PDZRN3: variants seen among roughly 807,000 people sequenced by gnomAD.
PDZRN3 encodes PDZ domain containing ring finger 3.
Under a neutral mutation model 85.7 loss-of-function variants are expected in PDZRN3, and 38 were observed. That is an observed-to-expected ratio of 0.44 (90% CI 0.34 to 0.58). The LOEUF is 0.58. Among genes scored for constraint, PDZRN3 ranks in the 20% least tolerant of loss-of-function variants. The pLI is 0.01. For missense variants in PDZRN3, 1,629 were observed against 1,506.4 expected, an observed-to-expected ratio of 1.08 and a Z score of -1.35; for synonymous variants, 759 against 638.0, an observed-to-expected ratio of 1.19 and a Z score of -2.86.
rs7628014 is a variant in PDZRN3 at position 73,608,506 on chromosome 3, A to C, written c.810+92T>G. On this transcript the variant is annotated intron_variant, in intron 2 of 9. Transcript: ENST00000263666. Reference sequence around the variant, plus strand: ...ACAGAGAGCAGAATGAAGTGAGCAAAGTTTCCTGCTCCTCACTGTCCCCTT... The same window carrying C: ...ACAGAGAGCAGAATGAAGTGAGCAACGTTTCCTGCTCCTCACTGTCCCCTT... 7,851 of 813,478 alleles carry C rather than the reference A, an allele frequency of 9.7e-3. 349 individuals carry two copies. The African/African-American group carries it at 0.11, about 11-fold the overall frequency. 50.4% of individuals were successfully genotyped at this position (813,478 alleles called of 1,614,324 possible).
intron 1 of PDZRN3, among the ~76,000 whole-genome samples, chr3:73,620,264 G>A (rs942816464): frequency 2.0e-5 from 3 of 152,210 alleles, no homozygotes; most frequent in African/African-American, 7.2e-5. Flanking sequence ...AAGACAGACC[G>A]GATGGGAGGT....
intron 2 of PDZRN3, among the ~76,000 whole-genome samples, chr3:73,607,896 T>C (rs952462768): frequency 6.6e-6 from 1 of 152,224 alleles, no homozygotes; most frequent in African/African-American, 2.4e-5. Context: ...CTTTAACTAC[T>C]TTCCTTTTAA....
chr3:73,497,624 T>C (rs2106676117), intron 3 of PDZRN3, among the ~76,000 whole-genome samples: 1 of 152,334 alleles, frequency 6.6e-6, no homozygotes, highest in East Asian at 1.9e-4. Context: ...GAGGACAGCG[T>C]CCTGAAACTC....
At chr3:73,476,182 T>G (rs1034455559) in intron 3 of PDZRN3, among the ~76,000 whole-genome samples, 1 of 152,068 alleles carries the variant, frequency 6.6e-6, no homozygotes, top group South Asian at 2.1e-4. Flanking sequence ...ACCAGATAAT[T>G]TATAAAGAAA....
chr3:73,543,261 A>G (rs1701328828), intron 3 of PDZRN3, among the ~76,000 whole-genome samples: 1 of 152,224 alleles, frequency 6.6e-6, no homozygotes, highest in Admixed American at 6.5e-5. Flanking sequence ...CTGGGGTGTG[A>G]GCACCCAGCA....
At chr3:73,437,988 C>G (rs1702562929) in intron 3 of PDZRN3, among the ~76,000 whole-genome samples, 1 of 152,174 alleles carries the variant, frequency 6.6e-6, no homozygotes, top group African/African-American at 2.4e-5. Context: ...AATGAAAAAA[C>G]TACTGGCCAC....
At chr3:73,569,152 TGG>T (rs1489206975) in intron 3 of PDZRN3, 2 of 1,288,402 alleles carry the variant, frequency 1.6e-6, no homozygotes, top group Non-Finnish European at 2.0e-6. Flanking sequence ...TTGCCTCACC[TGG>T]TTAATCATGT....
intron 3 of PDZRN3, among the ~76,000 whole-genome samples, chr3:73,511,871 C>A (rs1229847745): frequency 6.6e-6 from 1 of 152,204 alleles, no homozygotes; most frequent in Non-Finnish European, 1.5e-5. Context: ...TTCCAACCGT[C>A]TGGGCGAATA....
chr3:73,579,934 C>A (rs1335131022), intron 3 of PDZRN3, among the ~76,000 whole-genome samples: 5 of 152,034 alleles, frequency 3.3e-5, no homozygotes, highest in African/African-American at 1.2e-4. Flanking sequence ...TCAAATCTCA[C>A]CGAAGCAGCA....
chr3:73,411,898 C>T lies in PDZRN3; in HGVS notation c.919-7503G>A, dbSNP rs115455233. Among the ~76,000 whole-genome samples the T allele has an allele frequency of 4.5e-3, 693 of 152,316 alleles. 2 individuals carry two copies. The highest frequency in any genetic ancestry group is 0.013 in the African/African-American group (559 of 41,570). On this transcript the variant is annotated intron_variant, in intron 3 of 9. Coordinates refer to ENST00000263666, the MANE Select transcript of PDZRN3 (RefSeq NM_015009.3). ...GGTACAACACTTCCTCTGTGCCAGACACTATTCTATGCACTCTACCTATAT... is the reference window on the plus strand; with the variant it reads ...GGTACAACACTTCCTCTGTGCCAGATACTATTCTATGCACTCTACCTATAT...
chr3:73,498,610 A>G (rs1703914959), intron 3 of PDZRN3, among the ~76,000 whole-genome samples: 1 of 149,468 alleles, frequency 6.7e-6, no homozygotes, highest in Non-Finnish European at 1.5e-5. Context: ...TTTGAGATGG[A>G]GTCTAGCTCT....
chr3:73,515,411 C>T (rs899864558), intron 3 of PDZRN3, among the ~76,000 whole-genome samples: 4 of 152,064 alleles, frequency 2.6e-5, no homozygotes, highest in East Asian at 1.9e-4. Context: ...CTCCTGACCT[C>T]GTGATCTGCC....
intron 3 of PDZRN3, among the ~76,000 whole-genome samples, chr3:73,447,756 G>A (rs554155252): frequency 6.6e-6 from 1 of 152,304 alleles, no homozygotes; most frequent in South Asian, 2.1e-4. Context: ...TGTGGCCCCA[G>A]CCTTCTGTTA....
rs267599930 is a variant in PDZRN3, at chr3:73,383,826, G to C, written c.2740C>G (p.Pro914Ala). ...SMCKDLSSPT[P>A]SEPRMEWKVK... ...TTCCACTCCATGCGCGGCTCCGACG[G>C]GGTGGGAGAGCTCAGGTCCTTGCAC... The change falls in exon 10 of 10, where the codon CCG becomes GCG. Residue 914 changes from proline to alanine, a missense_variant. Physicochemically the swap from Pro to Ala is conservative, Grantham distance 27. Coordinates refer to ENST00000263666, the MANE Select transcript of PDZRN3 (RefSeq NM_015009.3). 22 of 1,613,578 alleles carry C rather than the reference G, an allele frequency of 1.4e-5. No homozygotes were observed. Among genetic ancestry groups the C allele is most frequent in the Non-Finnish European group, 1.9e-5 (22 of 1,179,800 alleles).
chr3:73,393,684 T>C (rs1701576602), intron 5 of PDZRN3, among the ~76,000 whole-genome samples: 1 of 152,194 alleles, frequency 6.6e-6, no homozygotes, highest in Non-Finnish European at 1.5e-5. Context: ...GATTTGAGTG[T>C]TCCATTTGAG....
intron 8 of PDZRN3, among the ~76,000 whole-genome samples, chr3:73,387,459 G>A (rs1360461950): frequency 6.6e-6 from 1 of 152,150 alleles, no homozygotes; most frequent in Non-Finnish European, 1.5e-5. Context: ...TGAATCTCTG[G>A]GAACTTCCAT....
intron 5 of PDZRN3, among the ~76,000 whole-genome samples, chr3:73,394,090 G>A (rs565271919): frequency 1.1e-4 from 17 of 151,858 alleles, no homozygotes; most frequent in Admixed American, 2.6e-4. Context: ...TTAGAACAAA[G>A]TTTCAGGCTG....
intron 3 of PDZRN3, among the ~76,000 whole-genome samples, chr3:73,599,033 G>A (rs1474586702): frequency 6.6e-6 from 1 of 152,202 alleles, no homozygotes; most frequent in Non-Finnish European, 1.5e-5. Flanking sequence ...CCACCAGACA[G>A]TCATGAAGAT....
At chr3:73,580,007 C>T (rs1441581014) in intron 3 of PDZRN3, among the ~76,000 whole-genome samples, 1 of 152,186 alleles carries the variant, frequency 6.6e-6, no homozygotes, top group Non-Finnish European at 1.5e-5. Flanking sequence ...AAGTCTCCAC[C>T]TATCATTTCC....
Sources: gnomAD v4.1 joint callset for allele counts (sites outside exome capture counted in the v4.1 genomes callset) on GRCh38, gnomAD v4.1.1 for gene constraint, MANE v1.5 for transcripts, NCBI Gene and HGNC (gene_info 2026-07-23, HGNC 2026-07-21) for gene names.